Variants in MYO19 observed in about 807,000 individuals in gnomAD.
The protein encoded by MYO19 is unconventional myosin-XIX.
A neutral mutation model predicts 129.2 loss-of-function variants in MYO19; 132 were observed. The ratio of observed to expected loss-of-function variants is 1.02; its 90% CI spans 0.89 to 1.18. MYO19 has a LOEUF of 1.18. MYO19 is among the 50% of genes most tolerant of loss of function. MYO19 has a pLI of 0.00. For missense variants in MYO19, 1,210 were observed against 1,216.7 expected (o/e 0.99, Z 0.08); for synonymous variants, 531 against 477.2 (o/e 1.11, Z -1.47).
At chr17:36,510,985 G>C (rs1393429432) in intron 12 of MYO19, 68 bp from the exon 13 acceptor site, 2 of 1,491,742 alleles carry the variant, frequency 1.3e-6, no homozygotes, top group Non-Finnish European at 1.8e-6. Context: ...GCACTGTGAA[G>C]TCATCACAGC....
At chr17:36,503,829 G>T in intron 20 of MYO19, 121 bp downstream of exon 20, 1 of 807,410 alleles carries the variant, frequency 1.2e-6, no homozygotes, top group Non-Finnish European at 1.8e-6. Flanking sequence ...GACTTCTACA[G>T]ACCAGCCTCT....
intron 23 of MYO19, chr17:36,500,368 G>A (rs1230751987): frequency 6.3e-6 from 1 of 157,844 alleles, no homozygotes; most frequent in South Asian, 2.0e-4. Context: ...TTAGATATTT[G>A]GGTTCTTTCC....
intron 11 of MYO19, among the ~76,000 whole-genome samples, chr17:36,511,831 TG>T (rs2072351942): frequency 6.6e-6 from 1 of 152,122 alleles, no homozygotes; most frequent in African/African-American, 2.4e-5. Flanking sequence ...GACTGGTGAC[TG>T]GGGGCAGGGC....
chr17:36,509,565 A>T (rs898295074), intron 13 of MYO19: 1 of 221,858 alleles, frequency 4.5e-6, no homozygotes, highest in African/African-American at 2.3e-5. Context: ...GCCCCACCAT[A>T]CCCCCTGATG....
At chr17:36,535,136 G>A (rs1321994684), upstream of MYO19, 6 of 150,480 alleles carry the variant, frequency 4.0e-5, no homozygotes, top group African/African-American at 1.5e-4. Context: ...CGGAAGCACG[G>A]TTTCCTGGGC....
At position 36,496,412 on chromosome 17, in the gene MYO19, G is replaced by C. The variant is rs757222359; in HGVS notation, c.2758-6C>G. On this transcript the variant is annotated splice_polypyrimidine_tract_variant and splice_region_variant and intron_variant, in intron 25 of 25. Transcript: ENST00000614623. ...CAGTGAAACTTTATCGATCCCTAGA[G>C]GGGAGAGAGAGATGCAGCTTTAGCA... The C allele has an allele frequency of 2.2e-5, 35 of 1,613,718 alleles. No homozygotes were observed. In the South Asian group the frequency reaches 3.5e-4, roughly 16 times the overall value.
upstream of MYO19, chr17:36,538,530 T>C: frequency 6.2e-7 from 1 of 1,613,824 alleles, no homozygotes; most frequent in Non-Finnish European, 8.5e-7. Flanking sequence ...CTTGTGGGCC[T>C]TATTTGTGGT....
chr17:36,506,851 G>T, intron 17 of MYO19, 112 bp downstream of exon 17: 1 of 1,313,714 alleles, frequency 7.6e-7, no homozygotes. Flanking sequence ...TCTGGATTCT[G>T]GGAGGAGGTT....
At chr17:36,522,803 C>T (rs186670704) in intron 6 of MYO19, among the ~76,000 whole-genome samples, 2 of 152,018 alleles carry the variant, frequency 1.3e-5, no homozygotes, top group Admixed American at 1.3e-4. Context: ...GTCAGGAGAT[C>T]GAGACCATCC....
chr17:36,523,708 A>C (rs924556943), intron 6 of MYO19, among the ~76,000 whole-genome samples: 3 of 152,216 alleles, frequency 2.0e-5, no homozygotes, highest in African/African-American at 7.2e-5. Context: ...TGAAATAATT[A>C]TATACAGAAT....
At chr17:36,533,902 G>A (rs982521877) in intron 2 of MYO19, 51 bp downstream of exon 2, 3 of 152,248 alleles carry the variant, frequency 2.0e-5, no homozygotes, top group Admixed American at 6.5e-5. Flanking sequence ...AAAACGGAGT[G>A]ATAATATCCA....
rs758593029 is a variant in MYO19 at position 36,503,110 on chromosome 17, G to A, written c.2067C>T (p.Ala689=). ...GGTCCCACTCACCAGGGAGCCCTTT[G>A]GCAGGATATGGGCTGTCGGGGCCAG... ...TSSGPDSPYP[A]KGLPEWCPHS... The change falls in exon 21 of 26, where the codon GCC becomes GCT. Residue 689 remains alanine (A), a synonymous_variant. Transcript: ENST00000614623. 7 of 1,613,820 alleles carry A rather than the reference G, an allele frequency of 4.3e-6. No individual in the cohort carries two copies. The highest frequency in any genetic ancestry group is 5.9e-6 in the Non-Finnish European group (7 of 1,179,686).
At position 36,507,051 on chromosome 17, in the gene MYO19, T is replaced by C. The variant is rs369321742; in HGVS notation, c.1556A>G (p.Asn519Ser). ...ALAGSPCLGH[N>S]KLSREPSFIV... ...GAAGCTGGGCTCCCGGCTGAGCTTA[T>C]TGTGGCCCAGGCAGGGGCTGCCTGC... is the stretch of plus-strand genomic sequence containing the variant. Residue 519 changes from asparagine to serine, a missense_variant, in exon 17 of 26, where the codon AAT becomes AGT. Physicochemically the swap from Asn to Ser is conservative, Grantham distance 46 (BLOSUM62 1). Coordinates refer to ENST00000614623, the MANE Select transcript of MYO19 (RefSeq NM_001163735.2). The C allele has an allele frequency of 3.7e-5, 60 of 1,613,476 alleles. No individual in the cohort carries two copies. In the African/African-American group the frequency reaches 4.0e-4, roughly 11 times the overall value.
At chr17:36,506,689 A>T in intron 17 of MYO19, 81 bp from the exon 18 acceptor site, 2 of 1,459,310 alleles carry the variant, frequency 1.4e-6, no homozygotes, top group Non-Finnish European at 1.8e-6. Flanking sequence ...CAAGCCGCAG[A>T]TGACGGGGCT....
At position 36,496,069 on chromosome 17, in the gene MYO19, C is replaced by G. The variant is rs2070938276; in HGVS notation, c.*182G>C. 1.1e-6 allele frequency: 1 copy of G among 896,582 alleles called. No individual in the cohort carries two copies. Among genetic ancestry groups the G allele is most frequent in the Non-Finnish European group, 1.7e-6 (1 of 601,036 alleles). 55.5% of individuals were successfully genotyped at this position (896,582 alleles called of 1,614,324 possible). On this transcript the variant is annotated 3_prime_UTR_variant, in exon 26 of 26. Transcript: ENST00000614623. ...CTGACACCATCAGTGCTTGATGTAG[C>G]CTGGAACCCCAGGCCCACTGACGCA...
chr17:36,500,415 A>G (rs943036202), intron 23 of MYO19: 13 of 174,006 alleles, frequency 7.5e-5, no homozygotes, highest in Non-Finnish European at 1.1e-4. Context: ...CACTATGAAC[A>G]TGTTGGTTAA....
At chr17:36,496,879 C>A (rs1199372680) in intron 25 of MYO19, among the ~76,000 whole-genome samples, 1 of 152,156 alleles carries the variant, frequency 6.6e-6, no homozygotes, top group Non-Finnish European at 1.5e-5. Flanking sequence ...TGGGGCAGAA[C>A]CAGGATCCAG....
intron 21 of MYO19, chr17:36,501,939 A>C (rs2071558932): frequency 6.6e-6 from 1 of 152,562 alleles, no homozygotes; most frequent in African/African-American, 2.4e-5. Flanking sequence ...AACAGCAGCA[A>C]AATCAACCAG....
At chr17:36,527,327 C>T (rs1384253596) in intron 5 of MYO19, among the ~76,000 whole-genome samples, 1 of 152,108 alleles carries the variant, frequency 6.6e-6, no homozygotes, top group Non-Finnish European at 1.5e-5. Flanking sequence ...GTTCCAAACT[C>T]AGTTAAACAA....
Sources: allele counts gnomAD v4.1 joint callset (sites outside exome capture counted in the v4.1 genomes callset), GRCh38; gene constraint gnomAD v4.1.1; transcripts MANE v1.5; gene names NCBI Gene and HGNC (gene_info 2026-07-23, HGNC 2026-07-21).